The following MAP2K2 variants were observed in gnomAD, a reference collection of about 807,000 sequenced individuals.
MAP2K2 encodes the protein dual specificity mitogen-activated protein kinase kinase 2.
Under a neutral mutation model 43.7 loss-of-function variants are expected in MAP2K2, and 24 were observed. The ratio of observed to expected loss-of-function variants is 0.55; its 90% CI spans 0.40 to 0.77. The LOEUF (loss-of-function observed/expected upper bound fraction) is 0.77. MAP2K2 is among the 30% of genes least tolerant of loss of function. The probability of loss-of-function intolerance (pLI) is 0.00; values close to 1 mark genes in which losing one functional copy is unlikely to be tolerated. For missense variants in MAP2K2, 470 were observed against 566.8 expected, an observed-to-expected ratio of 0.83 and a Z score of 1.73; for synonymous variants, 244 against 239.7, an observed-to-expected ratio of 1.02 and a Z score of -0.17.
intron 3 of MAP2K2, among the ~76,000 whole-genome samples, chr19:4,104,244 G>A (rs1181792696): frequency 4.2e-5 from 6 of 144,420 alleles, no homozygotes; most frequent in South Asian, 2.3e-4. Flanking sequence ...TCGCCTGGGC[G>A]AGAGAGCAAG....
chr19:4,113,756 CA>C (rs1262598961), intron 2 of MAP2K2, among the ~76,000 whole-genome samples: 5 of 152,126 alleles, frequency 3.3e-5, no homozygotes, highest in Non-Finnish European at 7.3e-5. Flanking sequence ...GAATTTGAGC[CA>C]GGGGTGGGGT....
intron 6 of MAP2K2, chr19:4,099,654 C>A: frequency 1.7e-6 from 1 of 575,908 alleles, no homozygotes; most frequent in Non-Finnish European, 3.1e-6. Context: ...TCTTGAAGAG[C>A]CTGCAATGCT....
intron 2 of MAP2K2, among the ~76,000 whole-genome samples, chr19:4,113,721 G>C (rs1040524663): frequency 6.6e-6 from 1 of 152,216 alleles, no homozygotes; most frequent in Admixed American, 6.5e-5. Flanking sequence ...CTCGGAGGTG[G>C]AGACGGTTGC....
intron 3 of MAP2K2, among the ~76,000 whole-genome samples, chr19:4,108,831 GGGAAGACGA>G (rs917126685): frequency 8.0e-5 from 12 of 150,758 alleles, no homozygotes; most frequent in African/African-American, 3.0e-4. Context: ...GAGGAGGAGG[GGGAAGACGA>G]GGAAGACGAG....
intron 1 of MAP2K2, 125 bp downstream of exon 1, chr19:4,123,659 C>CAA: frequency 1.8e-6 from 1 of 570,048 alleles, no homozygotes; most frequent in Admixed American, 3.3e-5. Flanking sequence ...CCACTCACCC[C>CAA]GTCCTCCCCC....
chr19:4,099,881 G>A (rs942167522), intron 6 of MAP2K2: 10 of 211,308 alleles, frequency 4.7e-5, no homozygotes, highest in Admixed American at 1.1e-4. Context: ...GGAGGTTGAG[G>A]TGGAAGCCCA....
chr19:4,099,027 G>A (rs1347283922), intron 7 of MAP2K2, among the ~76,000 whole-genome samples, 174 bp downstream of exon 7: 1 of 152,236 alleles, frequency 6.6e-6, no homozygotes, highest in Non-Finnish European at 1.5e-5. Flanking sequence ...ACTGCTTCCA[G>A]CTCTGTCCCC....
rs1475034183 is a variant in MAP2K2 at position 4,105,514 on chromosome 19, C to T, written c.451-3061G>A. ...GTCTCGATCTCCTGACCTCGTGATC[C>T]GCCCGCCTCGGCCTCCCAAAGTGCT... On this transcript the variant is annotated intron_variant, in intron 3 of 10. Transcript: ENST00000262948. Among the ~76,000 whole-genome samples, 10 of 152,144 alleles carry T rather than the reference C, an allele frequency of 6.6e-5. No individual in the cohort carries two copies. The East Asian group carries it at 7.7e-4, about 12-fold the overall frequency.
chr19:4,103,359 G>GTGCCTGGGGTTTT, intron 3 of MAP2K2: 1 of 695,776 alleles, frequency 1.4e-6, no homozygotes, highest in Non-Finnish European at 1.8e-6. Flanking sequence ...CAAAACCCCA[G>GTGCCTGGGGTTTT]GCACTGGGAG....
At chr19:4,102,768 G>T (rs375017399) in intron 3 of MAP2K2, 2 of 1,273,810 alleles carry the variant, frequency 1.6e-6, no homozygotes, top group South Asian at 1.5e-5. Context: ...AGCCCAAGCC[G>T]CGGCCGGGGG....
chr19:4,109,485 C>G (rs922645822), intron 3 of MAP2K2, among the ~76,000 whole-genome samples: 1 of 152,208 alleles, frequency 6.6e-6, no homozygotes, highest in Non-Finnish European at 1.5e-5. Flanking sequence ...GCTGCCCGGG[C>G]TGGAGTGCAG....
At chr19:4,117,662 C>G (rs2145081088) in intron 1 of MAP2K2, 33 bp from the exon 2 acceptor site, 1 of 1,598,444 alleles carries the variant, frequency 6.3e-7, no homozygotes, top group Non-Finnish European at 8.6e-7. Context: ...GGGTTAGCTA[C>G]CTAGGGAGAC....
Position 4,121,921 on chromosome 19 carries a change from G to A in MAP2K2, c.92+1863C>T, listed in dbSNP as rs1377590705. 5.7e-5 allele frequency among the ~76,000 whole-genome samples: 7 copies of A among 122,574 alleles called. No homozygotes were observed. In the South Asian group the frequency reaches 1.7e-3, roughly 31 times the overall value. 80.4% of individuals were successfully genotyped at this position (122,574 alleles called of 152,430 possible). On this transcript the variant is annotated intron_variant, in intron 1 of 10. Transcript: ENST00000262948. ...CTCTCCCACATCCTGACCCTTCTGG[G>A]AGCCCCCTGTCCTCCCCTCTCTTCC...
intron 8 of MAP2K2, among the ~76,000 whole-genome samples, 168 bp downstream of exon 8, chr19:4,097,111 A>G (rs1419648236): frequency 6.9e-6 from 1 of 145,850 alleles, no homozygotes; most frequent in African/African-American, 2.5e-5. Flanking sequence ...CGAGAATCAC[A>G]TGAGCTTGGA....
intron 2 of MAP2K2, among the ~76,000 whole-genome samples, chr19:4,117,163 T>C (rs1300898597): frequency 6.6e-6 from 1 of 152,156 alleles, no homozygotes; most frequent in Non-Finnish European, 1.5e-5. Flanking sequence ...TTTCTGGGAA[T>C]ATGGATTTCA....
In MAP2K2 at chr19:4,094,444, A is replaced by G; in HGVS notation, c.1092+9T>C. ...CCTCCCGGTCCCAGAACCCGCTGGC[A>G]TCACTCACTGTGAGCATCTTCAGGT... On this transcript the variant is annotated intron_variant, in intron 10 of 10. Coordinates refer to ENST00000262948, the MANE Select transcript of MAP2K2 (RefSeq NM_030662.4). The G allele has an allele frequency of 6.4e-7, 1 of 1,559,564 alleles. No homozygotes were observed.
In MAP2K2 at chr19:4,094,481, G is replaced by A. The variant is rs768826287; in HGVS notation, c.1064C>T (p.Ala355Val). The change falls in exon 10 of 11, where the codon GCG (alanine) becomes GTG (valine). Residue 355 changes from alanine to valine, a missense_variant. This residue lies in a region of MAP2K2 where 212 missense variants were observed against 220.8 expected (regional missense o/e 0.96). Coordinates refer to ENST00000262948, the MANE Select transcript of MAP2K2 (RefSeq NM_030662.4). ...GAGCATCTTCAGGTCCGCCCGCTCC[G>A]CTGGGTTCTTGATGAGGCTGGGGGT... is the stretch of plus-strand genomic sequence containing the variant. ...FVNKCLIKNP[A>V]ERADLKMLTN... 6 of 1,569,294 alleles carry A rather than the reference G, an allele frequency of 3.8e-6. No individual in the cohort carries two copies. Among genetic ancestry groups the A allele is most frequent in the African/African-American group, 1.3e-5 (1 of 74,278 alleles).
At chr19:4,096,481 T>C (rs2040919414) in intron 8 of MAP2K2, among the ~76,000 whole-genome samples, 1 of 152,172 alleles carries the variant, frequency 6.6e-6, no homozygotes, top group African/African-American at 2.4e-5. Flanking sequence ...GTCCTGTGCC[T>C]CCCTGACAGC....
chr19:4,103,197 G>A, intron 3 of MAP2K2: 1 of 987,922 alleles, frequency 1.0e-6, no homozygotes, highest in South Asian at 4.7e-5. Flanking sequence ...CACTGTGCCG[G>A]GCATCCTGCG....
Sources: allele counts gnomAD v4.1 joint callset (sites outside exome capture counted in the v4.1 genomes callset), GRCh38; gene constraint gnomAD v4.1.1; regional missense constraint gnomAD v4.1.1; transcripts MANE v1.5; gene names NCBI Gene and HGNC (gene_info 2026-07-23, HGNC 2026-07-21).